The following SPADH variants were observed in gnomAD, a reference collection of about 807,000 sequenced individuals.
SPADH encodes spermadhesin family member.
the SPADH span, chr10:122,676,997 T>A: frequency 1.3e-6 from 1 of 769,820 alleles, no homozygotes; most frequent in Non-Finnish European, 1.6e-6. Context: ...TGACAGCCAT[T>A]TGACACACAA....
chr10:122,676,009 G>T, the SPADH span, among the ~76,000 whole-genome samples: 1 of 152,206 alleles, frequency 6.6e-6, no homozygotes, highest in Non-Finnish European at 1.5e-5. Context: ...TAAACACCTG[G>T]AGTCTGGAGA....
At chr10:122,675,547 C>T in the SPADH span, 1 of 355,464 alleles carries the variant, frequency 2.8e-6, no homozygotes, top group Non-Finnish European at 3.9e-6. Context: ...CACTCAAGCT[C>T]CTCTTCACAG....
chr10:122,673,599 A>G, the SPADH span, among the ~76,000 whole-genome samples: 14 of 152,266 alleles, frequency 9.2e-5, no homozygotes, highest in South Asian at 2.3e-3. Context: ...GGAAGAGGGT[A>G]TAGATTTCCT....
chr10:122,675,535 T>C, the SPADH span: 1 of 257,224 alleles, frequency 3.9e-6, no homozygotes, highest in Non-Finnish European at 6.1e-6. Flanking sequence ...TCTGTCCCTT[T>C]GCACTCAAGC....
the SPADH span, chr10:122,678,788 T>A: frequency 2.4e-6 from 1 of 422,350 alleles, no homozygotes; most frequent in Non-Finnish European, 3.2e-6. Flanking sequence ...TGGAGGGAGG[T>A]GGCAGCCTGG....
the SPADH span, chr10:122,678,763 G>A: frequency 4.7e-6 from 1 of 212,210 alleles, no homozygotes; most frequent in Non-Finnish European, 8.1e-6. Context: ...TTGGGATCTA[G>A]TGTGGATTCA....
the SPADH span, chr10:122,679,190 GGA>G: frequency 9.6e-6 from 2 of 209,114 alleles, no homozygotes; most frequent in Non-Finnish European, 1.7e-5. Context: ...ATTGGGTGAG[GGA>G]GAGGGAATGT....
At chr10:122,676,985 C>T in the SPADH span, 5 of 835,820 alleles carry the variant, frequency 6.0e-6, no homozygotes, top group Middle Eastern at 1.8e-3. Context: ...CCACCCTATC[C>T]ATGACAGCCA....
the SPADH span, among the ~76,000 whole-genome samples, chr10:122,674,216 G>C: frequency 1.3e-5 from 2 of 152,232 alleles, no homozygotes; most frequent in South Asian, 4.1e-4. Flanking sequence ...TAGAATCGGG[G>C]TGCCTCGACA....
At chr10:122,678,970 C>T in the SPADH span, 1 of 985,094 alleles carries the variant, frequency 1.0e-6, no homozygotes, top group Non-Finnish European at 1.2e-6. Context: ...TCATCACCAT[C>T]AAGTACTCCA....
At chr10:122,678,165 C>T in the SPADH span, among the ~76,000 whole-genome samples, 1 of 152,096 alleles carries the variant, frequency 6.6e-6, no homozygotes, top group African/African-American at 2.4e-5. Context: ...TCCTTGTGAA[C>T]TGAGACCTGC....
At chr10:122,678,121 T>C in the SPADH span, among the ~76,000 whole-genome samples, 1 of 152,282 alleles carries the variant, frequency 6.6e-6, no homozygotes, top group East Asian at 1.9e-4. Context: ...TGTCCCCTTG[T>C]TGTCTTATTA....
chr10:122,674,942 C>G, the SPADH span, among the ~76,000 whole-genome samples: 1 of 152,182 alleles, frequency 6.6e-6, no homozygotes, highest in Non-Finnish European at 1.5e-5. Context: ...ATTCTGAACC[C>G]GTGGGCCTGC....
chr10:122,673,276 C>T, the SPADH span, among the ~76,000 whole-genome samples: 4 of 152,126 alleles, frequency 2.6e-5, no homozygotes, highest in Admixed American at 6.5e-5. Context: ...GTCTTGCTTT[C>T]GAGGCTTTCC....
chr10:122,679,356 A>G, the SPADH span, among the ~76,000 whole-genome samples: 8,801 of 152,152 alleles, frequency 0.058, 357 homozygotes, highest in East Asian at 0.12. Flanking sequence ...CTTTCTCTCT[A>G]TTGATCTTAT....
chr10:122,673,908 T>A, the SPADH span, among the ~76,000 whole-genome samples: 6 of 152,184 alleles, frequency 3.9e-5, no homozygotes, highest in African/African-American at 1.4e-4. Context: ...CAGCTCCACA[T>A]GGCTGCCTCT....
At chr10:122,676,870 C>T in the SPADH span, 11 of 985,234 alleles carry the variant, frequency 1.1e-5, no homozygotes, top group East Asian at 3.4e-4. Context: ...GAGATAGTCA[C>T]GGTGGCCATT....
chr10:122,676,965 G>A, the SPADH span: 1 of 945,316 alleles, frequency 1.1e-6, no homozygotes, highest in Non-Finnish European at 1.3e-6. Flanking sequence ...GACCTCATAT[G>A]GTTCACCTTC....
the SPADH span, among the ~76,000 whole-genome samples, chr10:122,673,109 T>C: frequency 2.0e-5 from 3 of 152,216 alleles, no homozygotes; most frequent in African/African-American, 7.2e-5. Context: ...TAGGAAAATA[T>C]CTATGTCATT....
Sources: gnomAD v4.1 joint callset for allele counts (sites outside exome capture counted in the v4.1 genomes callset) on GRCh38, gnomAD v4.1.1 for gene constraint, MANE v1.5 for transcripts, NCBI Gene and HGNC (gene_info 2026-07-23, HGNC 2026-07-21) for gene names.